The following BTBD8 variants were observed in gnomAD, a reference collection of about 807,000 sequenced individuals.
BTBD8 encodes BTB/POZ domain-containing protein 8.
Under a neutral mutation model 162.9 loss-of-function variants are expected in BTBD8, and 110 were observed. The ratio of observed to expected loss-of-function variants is 0.68; its 90% CI spans 0.58 to 0.79. The LOEUF (loss-of-function observed/expected upper bound fraction) is 0.79. Ranked by LOEUF, BTBD8 falls within the 30% of genes least tolerant of loss-of-function variation. BTBD8 has a pLI of 0.00. For synonymous variants in BTBD8, 667 were observed against 716.1 expected, an observed-to-expected ratio of 0.93 and a Z score of 1.10; for missense variants, 1,905 against 2,085.4, an observed-to-expected ratio of 0.91 and a Z score of 1.68.
At chr1:92,130,773 A>G (rs1649498267) in intron 5 of BTBD8, among the ~76,000 whole-genome samples, 1 of 152,094 alleles carries the variant, frequency 6.6e-6, no homozygotes, top group Admixed American at 6.5e-5. Flanking sequence ...ATCTCAGCTC[A>G]CTGCAACCTC....
intron 4 of BTBD8, among the ~76,000 whole-genome samples, chr1:92,121,444 T>C (rs1649206725): frequency 6.6e-6 from 1 of 152,180 alleles, no homozygotes. Context: ...TTAGTTTGAG[T>C]AAGATTGATT....
chr1:92,183,755 G>T (rs1247752686), intron 17 of BTBD8, 109 bp from the exon 18 acceptor site: 179 of 430,810 alleles, frequency 4.2e-4, no homozygotes, highest in Middle Eastern at 6.4e-4. Flanking sequence ...CCCATTCTGT[G>T]TTTTTTTTTT....
rs1160237569 is a variant in BTBD8, at chr1:92,101,453, T to TGAAATATTCATGACAGCTCCC, written c.348-1018_348-998dup. Among the ~76,000 whole-genome samples the TGAAATATTCATGACAGCTCCC allele has an allele frequency of 1.5e-4, 23 of 152,260 alleles. No homozygotes were observed. The East Asian group carries it at 3.9e-3, about 26-fold the overall frequency. On this transcript the variant is annotated intron_variant, in intron 2 of 17. Coordinates refer to ENST00000636805, the MANE Select transcript of BTBD8 (RefSeq NM_001376131.1). ...AATTCACATGGAAGAAGACAGCTCC[T>TGAAATATTCATGACAGCTCCC]GAAATATTCATGACAGCTCCCGCAG... is the stretch of plus-strand genomic sequence containing the variant.
chr1:92,080,735 G>C lies in BTBD8; in HGVS notation c.149+15G>C, dbSNP rs1472278869. The C allele has an allele frequency of 1.9e-6, 3 of 1,603,120 alleles. No individual in the cohort carries two copies. The Admixed American group carries it at 5.2e-5, about 28-fold the overall frequency. ...GATTTGCTCAGGTAGGAGGAGGCGG[G>C]AACTCTGGCTGCTTCAGTTCCTAAA... On this transcript the variant is annotated intron_variant, in intron 1 of 17. Coordinates refer to ENST00000636805, the MANE Select transcript of BTBD8 (RefSeq NM_001376131.1).
chr1:92,098,053 C>T (rs983365774), intron 2 of BTBD8, among the ~76,000 whole-genome samples: 3 of 152,114 alleles, frequency 2.0e-5, no homozygotes, highest in African/African-American at 4.8e-5. Context: ...GAATTGGTCA[C>T]GTAGGCACTC....
In BTBD8 at chr1:92,129,762, C is replaced by T. The variant is rs138139110; in HGVS notation, c.738C>T (p.Tyr246=). The change falls in exon 5 of 18, where the codon TAC becomes TAT. Residue 246 remains tyrosine, a synonymous_variant. Coordinates refer to ENST00000636805, the MANE Select transcript of BTBD8 (RefSeq NM_001376131.1). ...GTTGGGCTGAAAGCTCCCAAGAGTA[C>T]GTTACTCTTCAAGGGTAAGCATATT... The part of the protein sequence containing the change: ...SGCWAESSQE[Y]VTLQGISHVE... 8.3e-5 allele frequency: 134 copies of T among 1,613,040 alleles called. No individual in the cohort carries two copies. The African/African-American group carries it at 1.3e-3, about 15-fold the overall frequency.
intron 5 of BTBD8, among the ~76,000 whole-genome samples, chr1:92,137,192 T>C (rs1469154577): frequency 6.6e-6 from 1 of 152,156 alleles, no homozygotes; most frequent in Non-Finnish European, 1.5e-5. Flanking sequence ...GGACTTTCTT[T>C]TATGGGCTTT....
At chr1:92,115,315 T>C (rs775986836) in intron 4 of BTBD8, 14 of 454,670 alleles carry the variant, frequency 3.1e-5, no homozygotes, top group Admixed American at 2.4e-4. Context: ...AGAGTTGTTA[T>C]GGATGATCTT....
chr1:92,139,508 T>A, intron 6 of BTBD8, 78 bp downstream of exon 6: 10 of 1,529,298 alleles, frequency 6.5e-6, no homozygotes, highest in Non-Finnish European at 8.7e-6. Context: ...AAAGTGTTAA[T>A]GAAGTAGAAA....
chr1:92,093,214 G>A (rs1250155596), intron 2 of BTBD8, among the ~76,000 whole-genome samples: 3 of 119,960 alleles, frequency 2.5e-5, no homozygotes, highest in East Asian at 2.6e-4. Flanking sequence ...TTTTTGAGAC[G>A]GGAGTCTTGC....
intron 9 of BTBD8, among the ~76,000 whole-genome samples, chr1:92,161,031 C>T (rs1206338279): frequency 6.6e-6 from 1 of 152,156 alleles, no homozygotes; most frequent in African/African-American, 2.4e-5. Flanking sequence ...TGGTTTTCTT[C>T]CCAGTTGTAC....
chr1:92,177,684 C>A, intron 14 of BTBD8, 127 bp from the exon 15 acceptor site: 1 of 830,024 alleles, frequency 1.2e-6, no homozygotes, highest in South Asian at 1.6e-5. Flanking sequence ...CTTATGCAAA[C>A]AGAGAAAATG....
At chr1:92,155,192 A>G (rs1313858923) in intron 9 of BTBD8, among the ~76,000 whole-genome samples, 2 of 152,184 alleles carry the variant, frequency 1.3e-5, no homozygotes, top group African/African-American at 4.8e-5. Flanking sequence ...AGAAAATCAA[A>G]GTCACTCCAA....
intron 4 of BTBD8, among the ~76,000 whole-genome samples, chr1:92,113,433 C>A (rs536581323): frequency 6.6e-6 from 1 of 152,184 alleles, no homozygotes; most frequent in Non-Finnish European, 1.5e-5. Context: ...TAGACTGCAA[C>A]GCTGATTTGA....
At chr1:92,080,853 C>T (rs1376449669) in intron 1 of BTBD8, 133 bp downstream of exon 1, 21 of 1,387,744 alleles carry the variant, frequency 1.5e-5, no homozygotes, top group Admixed American at 2.8e-5. Flanking sequence ...GACTGCGGGT[C>T]GTTAGCCAGT....
Position 92,177,383 on chromosome 1 carries a change from A to G in BTBD8, c.2190A>G (p.Thr730=). ...LSIAGPSSRS[T]DSSMEFSIST... is the part of the protein sequence containing the mutation. ...TCGCAGGACCCTCCAGCAGATCCACAGATTCAAGTATGGAATTCTCAATTT... is the reference window on the plus strand; with the variant it reads ...TCGCAGGACCCTCCAGCAGATCCACGGATTCAAGTATGGAATTCTCAATTT... Residue 730 remains threonine, a synonymous_variant, in exon 14 of 18, where the codon ACA becomes ACG. Coordinates refer to ENST00000636805, the MANE Select transcript of BTBD8 (RefSeq NM_001376131.1). 2 of 1,551,764 alleles carry G rather than the reference A, an allele frequency of 1.3e-6. No individual in the cohort carries two copies. Among genetic ancestry groups the G allele is most frequent in the Non-Finnish European group, 1.7e-6 (2 of 1,147,012 alleles).
chr1:92,116,227 T>C (rs1378056428), intron 4 of BTBD8, among the ~76,000 whole-genome samples: 1 of 152,224 alleles, frequency 6.6e-6, no homozygotes, highest in Non-Finnish European at 1.5e-5. Flanking sequence ...TAGTTTTGTT[T>C]AAATTTATTG....
chr1:92,147,657 T>C (rs1649956473), intron 8 of BTBD8, 27 bp from the exon 9 acceptor site: 1 of 1,545,612 alleles, frequency 6.5e-7, no homozygotes, highest in African/African-American at 1.4e-5. Flanking sequence ...TTAATTTCTT[T>C]AACGTGGTAT....
rs147202158 is a variant in BTBD8 at position 92,180,151 on chromosome 1, C to G, written c.2582-114C>G. ...TTTGATCATAGATATGTTACCCTTC[C>G]ATTGTGTTCTTGATTTTATTTTTTC... On this transcript the variant is annotated intron_variant, in intron 16 of 17. Transcript: ENST00000636805. 134 of 720,458 alleles carry G rather than the reference C, an allele frequency of 1.9e-4. No individual in the cohort carries two copies. In the African/African-American group the frequency reaches 2.1e-3, roughly 12 times the overall value. 44.6% of individuals were successfully genotyped at this position (720,458 alleles called of 1,614,324 possible).
Sources: allele counts gnomAD v4.1 joint callset (sites outside exome capture counted in the v4.1 genomes callset), GRCh38; gene constraint gnomAD v4.1.1; transcripts MANE v1.5; gene names NCBI Gene and HGNC (gene_info 2026-07-23, HGNC 2026-07-21).